GULP1: variants seen among roughly 807,000 people sequenced by gnomAD.
GULP1 encodes PTB domain-containing engulfment adapter protein 1.
A neutral mutation model predicts 40.9 loss-of-function variants in GULP1; 19 were observed. The observed-to-expected ratio is 0.46, with a 90% confidence interval of 0.32 to 0.68. The LOEUF (loss-of-function observed/expected upper bound fraction) is 0.68. Ranked by LOEUF, GULP1 falls within the 30% of genes least tolerant of loss-of-function variation. The pLI is 0.03. For missense variants in GULP1, 312 were observed against 362.2 expected, an observed-to-expected ratio of 0.86 and a Z score of 1.12; for synonymous variants, 119 against 117.6, an observed-to-expected ratio of 1.01 and a Z score of -0.08.
intron 1 of GULP1, among the ~76,000 whole-genome samples, chr2:188,376,433 T>C (rs2048308803): frequency 6.6e-6 from 1 of 152,178 alleles, no homozygotes; most frequent in African/African-American, 2.4e-5. Flanking sequence ...TAAGGCAACC[T>C]TTCCTAATCT....
intron 2 of GULP1, among the ~76,000 whole-genome samples, chr2:188,424,428 T>G (rs565148915): frequency 6.6e-5 from 10 of 152,082 alleles, no homozygotes; most frequent in African/African-American, 2.2e-4. Context: ...ATTCTGTTCA[T>G]GTATATGCTC....
chr2:188,307,717 G>T (rs1193535745), intron 1 of GULP1, among the ~76,000 whole-genome samples: 2 of 152,128 alleles, frequency 1.3e-5, no homozygotes, highest in Non-Finnish European at 2.9e-5. Flanking sequence ...GAGATCATGT[G>T]CCACACACTG....
intron 1 of GULP1, among the ~76,000 whole-genome samples, chr2:188,312,805 T>C (rs561296701): frequency 6.6e-6 from 1 of 152,258 alleles, no homozygotes; most frequent in South Asian, 2.1e-4. Flanking sequence ...CTTGCCAGCA[T>C]CTATTGTTTC....
chr2:188,403,176 T>G (rs2052558750), intron 2 of GULP1, among the ~76,000 whole-genome samples: 1 of 152,176 alleles, frequency 6.6e-6, no homozygotes, highest in African/African-American at 2.4e-5. Flanking sequence ...CCTACACTTT[T>G]GTACCCTAAG....
intron 2 of GULP1, among the ~76,000 whole-genome samples, chr2:188,442,794 C>A (rs1374448917): frequency 1.3e-5 from 2 of 152,084 alleles, no homozygotes; most frequent in South Asian, 4.1e-4. Context: ...TTTTTATGTG[C>A]TTTGCTAATT....
intron 1 of GULP1, among the ~76,000 whole-genome samples, chr2:188,322,216 T>G (rs1219659334): frequency 6.6e-6 from 1 of 152,130 alleles, no homozygotes; most frequent in Non-Finnish European, 1.5e-5. Flanking sequence ...GCTTCATTAT[T>G]TTCAAATTGT....
chr2:188,408,018 A>G (rs2053358769), intron 2 of GULP1, among the ~76,000 whole-genome samples: 1 of 152,182 alleles, frequency 6.6e-6, no homozygotes, highest in Non-Finnish European at 1.5e-5. Flanking sequence ...ATGTCCCCCA[A>G]ATTTCATGTT....
intron 2 of GULP1, among the ~76,000 whole-genome samples, chr2:188,406,098 C>A (rs2053054969): frequency 6.6e-6 from 1 of 152,144 alleles, no homozygotes; most frequent in African/African-American, 2.4e-5. Flanking sequence ...TTATGCAAAT[C>A]TAGAAGATAT....
chr2:188,353,742 A>C, intron 1 of GULP1, among the ~76,000 whole-genome samples: 1 of 151,646 alleles, frequency 6.6e-6, no homozygotes, highest in Non-Finnish European at 1.5e-5. Flanking sequence ...CTAGAGTGGT[A>C]ATGTACCCTA....
intron 6 of GULP1, 114 bp downstream of exon 6, chr2:188,529,309 T>C (rs1686960824): frequency 3.6e-6 from 2 of 550,692 alleles, no homozygotes; most frequent in African/African-American, 4.0e-5. Context: ...TCTGAGTTAA[T>C]GACAGTTCGA....
intron 1 of GULP1, among the ~76,000 whole-genome samples, chr2:188,345,206 C>T (rs1200283055): frequency 2.6e-5 from 4 of 152,148 alleles, no homozygotes; most frequent in South Asian, 4.1e-4. Flanking sequence ...CATGCAGTTA[C>T]GCAAGACCGT....
At position 188,483,384 on chromosome 2, in the gene GULP1, G is replaced by T; in HGVS notation, c.29-47G>T. The T allele has an allele frequency of 3.4e-6, 3 of 883,198 alleles. No homozygotes were observed. The South Asian group carries it at 4.6e-5, about 14-fold the overall frequency. The allele number at this position is 883,198 out of a possible 1,614,324, so 54.7% of individuals were successfully genotyped here. A position where few individuals can be genotyped will look rare whatever the true frequency, so the allele number is the denominator to read the frequency against. Reference sequence around the variant, plus strand: ...CATACAAATGGTAATGCGTGAATATGACACCATGGAAACCTAAAATTTAAC... The same window carrying T: ...CATACAAATGGTAATGCGTGAATATTACACCATGGAAACCTAAAATTTAAC... On this transcript the variant is annotated intron_variant, in intron 3 of 11. Coordinates refer to ENST00000409830, the MANE Select transcript of GULP1 (RefSeq NM_016315.4).
At chr2:188,364,410 G>T (rs7593215) in intron 1 of GULP1, among the ~76,000 whole-genome samples, 1 of 152,160 alleles carries the variant, frequency 6.6e-6, no homozygotes, top group Non-Finnish European at 1.5e-5. Flanking sequence ...CATGGTAGTA[G>T]GCTGTCAGCC....
chr2:188,472,611 C>G (rs1450272696), intron 2 of GULP1, among the ~76,000 whole-genome samples: 1 of 152,072 alleles, frequency 6.6e-6, no homozygotes, highest in Non-Finnish European at 1.5e-5. Flanking sequence ...TTTTCAGGTC[C>G]AGAATTTCAT....
At chr2:188,572,207 G>T (rs1296829665) in intron 9 of GULP1, among the ~76,000 whole-genome samples, 1 of 152,124 alleles carries the variant, frequency 6.6e-6, no homozygotes, top group African/African-American at 2.4e-5. Flanking sequence ...ATTTCAAGTG[G>T]AAAGCATGCA....
intron 7 of GULP1, among the ~76,000 whole-genome samples, chr2:188,562,568 A>C (rs1696579104): frequency 6.6e-6 from 1 of 152,212 alleles, no homozygotes; most frequent in Admixed American, 6.5e-5. Flanking sequence ...ATTTGGCAAA[A>C]AGGCAAATCT....
Position 188,541,238 on chromosome 2 carries a change from G to A in GULP1, c.319G>A (p.Asp107Asn). ...ATCTTTTTGTGCAGATGATAAAACT[G>A]ACAAGAGGATATTCACTTTCATATG... ...RISFCADDKTDKRIFTFICKD... is the reference protein window; with the variant it reads ...RISFCADDKTNKRIFTFICKD... The change falls in exon 7 of 12, where the codon GAC (aspartate) becomes AAC (asparagine). Residue 107 changes from aspartate to asparagine, a missense_variant. Asp to Asn is a conservative substitution (Grantham distance 23). Transcript: ENST00000409830. The A allele has an allele frequency of 2.5e-6, 4 of 1,610,476 alleles. No individual in the cohort carries two copies. The highest frequency in any genetic ancestry group is 3.4e-6 in the Non-Finnish European group (4 of 1,176,786).
chr2:188,535,861 G>A (rs1038429146), intron 6 of GULP1, among the ~76,000 whole-genome samples: 1 of 152,012 alleles, frequency 6.6e-6, no homozygotes, highest in East Asian at 1.9e-4. Context: ...AGCATCTGTT[G>A]TTTTTGACTT....
chr2:188,441,003 C>T (rs2057874954), intron 2 of GULP1, among the ~76,000 whole-genome samples: 1 of 152,116 alleles, frequency 6.6e-6, no homozygotes, highest in Non-Finnish European at 1.5e-5. Context: ...GAAGTGGTCC[C>T]TATCCTAGTT....
Sources: allele counts gnomAD v4.1 joint callset (sites outside exome capture counted in the v4.1 genomes callset), GRCh38; gene constraint gnomAD v4.1.1; transcripts MANE v1.5; gene names NCBI Gene and HGNC (gene_info 2026-07-23, HGNC 2026-07-21).